The following ADAP1 variants were observed in gnomAD, a reference collection of about 807,000 sequenced individuals.
The protein encoded by ADAP1 is arf-GAP with dual PH domain-containing protein 1.
Under a neutral mutation model 54.9 loss-of-function variants are expected in ADAP1, and 31 were observed. The ratio of observed to expected loss-of-function variants is 0.56; its 90% CI spans 0.42 to 0.76. The LOEUF is 0.76. Among genes scored for constraint, ADAP1 ranks in the 30% least tolerant of loss-of-function variants. The pLI, the probability that ADAP1 is intolerant of heterozygous loss-of-function variation, is 0.00. For missense variants in ADAP1, 535 were observed against 512.4 expected (o/e 1.04, Z -0.42); for synonymous variants, 313 against 202.6 (o/e 1.55, Z -4.63).
chr7:900,959 G>GC (rs1208897232), intron 6 of ADAP1: 1 of 542,758 alleles, frequency 1.8e-6, no homozygotes, highest in East Asian at 4.9e-5. Context: ...TGCTGCTGGG[G>GC]CCTGGGCCAA....
chr7:947,024 G>A (rs1403263705), intron 1 of ADAP1, among the ~76,000 whole-genome samples: 3 of 151,982 alleles, frequency 2.0e-5, no homozygotes, highest in East Asian at 1.9e-4. Flanking sequence ...ATTGCACCTC[G>A]ATTTGGGGTT....
At position 904,092 on chromosome 7, in the gene ADAP1, T is replaced by C. The variant is rs573403038; in HGVS notation, c.648+34A>G. The C allele has an allele frequency of 6.2e-6, 10 of 1,607,418 alleles. No individual in the cohort carries two copies. The South Asian group carries it at 8.9e-5, about 14-fold the overall frequency. On this transcript the variant is annotated intron_variant, in intron 6 of 10. Transcript: ENST00000265846. ...CCGGGCCTGAGGGCCCACCCTCCTG[T>C]GCCACCCGGGCCCGAGTGCTCGCCA...
At chr7:930,159 C>G (rs1047234315) in intron 2 of ADAP1, among the ~76,000 whole-genome samples, 1 of 142,402 alleles carries the variant, frequency 7.0e-6, no homozygotes, top group Non-Finnish European at 1.5e-5. Flanking sequence ...TTTATGTATG[C>G]TATAGACCCT....
rs1357189317 is a variant in ADAP1 at position 945,841 on chromosome 7, AT to A, written c.82+8554del. 7 of 985,416 alleles carry A rather than the reference AT, an allele frequency of 7.1e-6. No homozygotes were observed. Among genetic ancestry groups the A allele is most frequent in the Non-Finnish European group, 7.2e-6 (6 of 829,996 alleles). 61.0% of individuals were successfully genotyped at this position (985,416 alleles called of 1,614,324 possible). ...TGGGGCACCTGGGCAGGTGAGCCAC[AT>A]TCTTGGGCGGAGCCAGGTGGGGCAG... On this transcript the variant is annotated intron_variant, in intron 1 of 10. Coordinates refer to ENST00000265846, the MANE Select transcript of ADAP1 (RefSeq NM_006869.4). This position sits in a 1 kb window ranked among gnomAD's most constrained non-coding sequence, Gnocchi z 4.2.
upstream of ADAP1, chr7:954,796 C>T: frequency 8.6e-6 from 7 of 814,116 alleles, no homozygotes; most frequent in South Asian, 5.6e-5. Flanking sequence ...CGCCCCCAGC[C>T]CGCGCGCCCC....
chr7:909,764 G>C (rs2128100320), intron 4 of ADAP1, among the ~76,000 whole-genome samples: 1 of 152,368 alleles, frequency 6.6e-6, no homozygotes. Flanking sequence ...GTGAGTCCTG[G>C]GGCAGGACTC....
chr7:921,437 C>T (rs941868970), intron 3 of ADAP1, among the ~76,000 whole-genome samples: 3 of 152,254 alleles, frequency 2.0e-5, no homozygotes, highest in Non-Finnish European at 4.4e-5. Context: ...CCTCCTGCCT[C>T]GGCTTCCCGA....
At position 905,041 on chromosome 7, in the gene ADAP1, AC is replaced by A. The variant is rs756333721; in HGVS notation, c.501+18del. ...CCGCCCTGGGACAGGCCCCCACCCC[AC>A]CCCCGTCTGTGACTCACATCATTTC... On this transcript the variant is annotated intron_variant, in intron 5 of 10. Transcript: ENST00000265846. The A allele has an allele frequency of 1.9e-6, 3 of 1,601,360 alleles. No homozygotes were observed. The highest frequency in any genetic ancestry group is 2.6e-6 in the Non-Finnish European group (3 of 1,174,482).
chr7:908,221 C>T (rs1326998009), intron 4 of ADAP1, among the ~76,000 whole-genome samples: 2 of 152,178 alleles, frequency 1.3e-5, no homozygotes, highest in African/African-American at 4.8e-5. Flanking sequence ...GCTCAGATTG[C>T]AGACACCGCC....
chr7:899,925 C>G (rs1051785491), intron 8 of ADAP1, among the ~76,000 whole-genome samples, 177 bp downstream of exon 8: 4 of 152,228 alleles, frequency 2.6e-5, no homozygotes, highest in African/African-American at 9.6e-5. Context: ...TAACCAAAGC[C>G]TAGGACAGTG....
At chr7:955,395 C>CA, upstream of ADAP1, 4 of 1,550,084 alleles carry the variant, frequency 2.6e-6, no homozygotes, top group South Asian at 4.8e-5. Flanking sequence ...CGGCTGAAAA[C>CA]AAACTGGAAC....
intron 6 of ADAP1, among the ~76,000 whole-genome samples, chr7:903,371 G>A (rs1027795074): frequency 6.6e-6 from 1 of 152,088 alleles, no homozygotes; most frequent in Non-Finnish European, 1.5e-5. Context: ...TGCCTAAAGT[G>A]GGTAAATCTG....
intron 4 of ADAP1, among the ~76,000 whole-genome samples, chr7:915,836 C>T (rs1443815010): frequency 6.6e-6 from 1 of 151,998 alleles, no homozygotes; most frequent in African/African-American, 2.4e-5. Context: ...CGCTGTCTGC[C>T]ACCCGCCTGC....
At chr7:901,830 A>T (rs1302537676) in intron 6 of ADAP1, among the ~76,000 whole-genome samples, 1 of 148,292 alleles carries the variant, frequency 6.7e-6, no homozygotes, top group Non-Finnish European at 1.5e-5. Flanking sequence ...TCCTAGAGGA[A>T]GCTGAACCCG....
intron 6 of ADAP1, among the ~76,000 whole-genome samples, chr7:902,097 T>C (rs1294136818): frequency 6.6e-6 from 1 of 151,840 alleles, no homozygotes; most frequent in East Asian, 2.0e-4. Flanking sequence ...CGGGGGGAAT[T>C]ATCTTTGGAG....
chr7:908,145 C>G (rs571293402), intron 4 of ADAP1, among the ~76,000 whole-genome samples: 3 of 152,112 alleles, frequency 2.0e-5, no homozygotes, highest in Non-Finnish European at 4.4e-5. Flanking sequence ...CACAGGGACG[C>G]GAGGGGGCTG....
At chr7:914,336 T>C (rs933423449) in intron 4 of ADAP1, among the ~76,000 whole-genome samples, 2 of 152,082 alleles carry the variant, frequency 1.3e-5, no homozygotes, top group Admixed American at 1.3e-4. Context: ...TTCCCTGTGG[T>C]CGTGAGGTGT....
At chr7:901,966 T>C (rs1844840122) in intron 6 of ADAP1, among the ~76,000 whole-genome samples, 1 of 152,012 alleles carries the variant, frequency 6.6e-6, no homozygotes, top group Admixed American at 6.5e-5. Context: ...TGGAGCCGAC[T>C]CTGGGGCTCC....
At position 922,152 on chromosome 7, in the gene ADAP1, G is replaced by C. The variant is rs547282438; in HGVS notation, c.306-2102C>G. Among the ~76,000 whole-genome samples, 179 of 152,302 alleles carry C rather than the reference G, an allele frequency of 1.2e-3. 3 individuals carry two copies. Among genetic ancestry groups the C allele is most frequent in the South Asian group, 2.1e-3 (10 of 4,834 alleles). On this transcript the variant is annotated intron_variant, in intron 3 of 10. Coordinates refer to ENST00000265846, the MANE Select transcript of ADAP1 (RefSeq NM_006869.4). ...CCCACAGCCCTGGAGGGGCCGCACTGACACCCCACGTGGTCACGAGGAGGT... is the reference window on the plus strand; with the variant it reads ...CCCACAGCCCTGGAGGGGCCGCACTCACACCCCACGTGGTCACGAGGAGGT...
Sources: gnomAD v4.1 joint callset for allele counts (sites outside exome capture counted in the v4.1 genomes callset) on GRCh38, gnomAD v4.1.1 for gene constraint, Gnocchi (gnomAD v3.1) non-coding constraint, MANE v1.5 for transcripts, NCBI Gene and HGNC (gene_info 2026-07-23, HGNC 2026-07-21) for gene names.